Variants in KIAA1217 observed in about 807,000 individuals in gnomAD.
The protein encoded by KIAA1217 is KIAA1217, also known as sickle tail protein homolog.
Under a neutral mutation model 163.9 loss-of-function variants are expected in KIAA1217, and 88 were observed. The ratio of observed to expected loss-of-function variants is 0.54; its 90% confidence interval spans 0.45 to 0.64. The LOEUF (loss-of-function observed/expected upper bound fraction) is 0.64, where lower values mean the gene tolerates loss of function less well. Among genes scored for constraint, KIAA1217 ranks in the 30% least tolerant of loss-of-function variants. The pLI is 0.00. For synonymous variants in KIAA1217, 903 were observed against 923.1 expected, an observed-to-expected ratio of 0.98 and a Z score of 0.39; for missense variants, 2,372 against 2,475.0, an observed-to-expected ratio of 0.96 and a Z score of 0.88.
At chr10:24,197,690 T>C (rs2067054925) in intron 2 of KIAA1217, among the ~76,000 whole-genome samples, 1 of 152,256 alleles carries the variant, frequency 6.6e-6, no homozygotes, top group Non-Finnish European at 1.5e-5. Context: ...TCCCTTAGTT[T>C]CAAATCTCAC....
At chr10:24,234,009 CT>C (rs1184718490) in intron 2 of KIAA1217, among the ~76,000 whole-genome samples, 10 of 152,222 alleles carry the variant, frequency 6.6e-5, no homozygotes, top group Middle Eastern at 3.4e-3. Flanking sequence ...TGTCTGTTAA[CT>C]TTTTAAAAAT....
intron 2 of KIAA1217, among the ~76,000 whole-genome samples, chr10:24,366,381 G>A (rs924256465): frequency 4.1e-4 from 63 of 152,056 alleles, no homozygotes; most frequent in African/African-American, 1.4e-3. Flanking sequence ...GGAAGCAGAG[G>A]GTGCGGTGAG....
intron 2 of KIAA1217, among the ~76,000 whole-genome samples, chr10:24,151,816 C>T (rs1487544074): frequency 6.6e-6 from 1 of 152,038 alleles, no homozygotes; most frequent in Non-Finnish European, 1.5e-5. Context: ...TCTCATTTTA[C>T]AGGTTAGAGA....
At chr10:23,934,710 C>T (rs1230288723) in intron 1 of KIAA1217, among the ~76,000 whole-genome samples, 8 of 147,752 alleles carry the variant, frequency 5.4e-5, no homozygotes, top group East Asian at 4.0e-4. Flanking sequence ...CTCTGTCTCC[C>T]GGGTTCACGC....
At position 24,299,107 on chromosome 10, in the gene KIAA1217, G is replaced by A. The variant is rs556481922; in HGVS notation, c.354+79198G>A. On this transcript the variant is annotated intron_variant, in intron 2 of 20. Transcript: ENST00000376454. ...AATTGTAAATACTGTATATAATAACGCTAATGTCATCTGGCTCTTCAAAAT... is the reference window on the plus strand; with the variant it reads ...AATTGTAAATACTGTATATAATAACACTAATGTCATCTGGCTCTTCAAAAT... Among the ~76,000 whole-genome samples the A allele has an allele frequency of 2.8e-4, 42 of 152,240 alleles. No homozygotes were observed. In the South Asian group the frequency reaches 5.8e-3, roughly 21 times the overall value.
chr10:24,532,099 A>G, intron 15 of KIAA1217, 106 bp downstream of exon 15: 2 of 1,053,524 alleles, frequency 1.9e-6, no homozygotes, highest in Non-Finnish European at 2.5e-6. Context: ...GAGAAGTAGT[A>G]ACTCGACCAC....
chr10:24,095,713 T>C (rs2062131809), intron 2 of KIAA1217, among the ~76,000 whole-genome samples: 1 of 152,188 alleles, frequency 6.6e-6, no homozygotes, highest in South Asian at 2.1e-4. Context: ...CAAATTTACC[T>C]CTCACACTGG....
chr10:24,111,307 C>T (rs1430996770), intron 2 of KIAA1217, among the ~76,000 whole-genome samples: 1 of 152,070 alleles, frequency 6.6e-6, no homozygotes, highest in Non-Finnish European at 1.5e-5. Flanking sequence ...AGGTAATTCT[C>T]CCATGGCAAG....
intron 5 of KIAA1217, among the ~76,000 whole-genome samples, chr10:24,451,926 C>A (rs2061403175): frequency 1.3e-5 from 2 of 152,118 alleles, no homozygotes; most frequent in South Asian, 4.1e-4. Context: ...GCATCCCAGA[C>A]CATACTAGGC....
chr10:23,934,593 A>ATATATATATATATG (rs1564545714), intron 1 of KIAA1217, among the ~76,000 whole-genome samples: 1 of 64,936 alleles, frequency 1.5e-5, no homozygotes, highest in East Asian at 2.9e-4. Context: ...ATATATATGT[A>ATATATATATATATG]TATATATATA....
intron 1 of KIAA1217, among the ~76,000 whole-genome samples, chr10:23,926,017 A>T (rs574534394): frequency 6.6e-6 from 1 of 152,278 alleles, no homozygotes; most frequent in East Asian, 1.9e-4. Context: ...CCCACACCCC[A>T]TCACTGTGGT....
intron 2 of KIAA1217, among the ~76,000 whole-genome samples, chr10:24,089,652 T>A (rs1185115514): frequency 1.3e-5 from 2 of 151,868 alleles, no homozygotes; most frequent in African/African-American, 4.9e-5. Flanking sequence ...TCCATTGGTC[T>A]GTATCTCTGT....
intron 2 of KIAA1217, among the ~76,000 whole-genome samples, chr10:24,344,653 G>A (rs1166746944): frequency 2.6e-5 from 4 of 152,188 alleles, no homozygotes; most frequent in Admixed American, 2.6e-4. Context: ...TAACAGGAAT[G>A]TAACTTTTAA....
At chr10:24,450,109 T>C (rs2061273009) in intron 5 of KIAA1217, among the ~76,000 whole-genome samples, 4 of 152,172 alleles carry the variant, frequency 2.6e-5, no homozygotes, top group African/African-American at 7.2e-5. Context: ...TCTGTGACAA[T>C]TTTCAGTGTT....
intron 1 of KIAA1217, among the ~76,000 whole-genome samples, chr10:23,699,151 AG>A (rs1270173351): frequency 6.6e-6 from 1 of 152,192 alleles, no homozygotes; most frequent in East Asian, 1.9e-4. Context: ...CTGCCTGATC[AG>A]GTCCTTCTGA....
chr10:24,299,402 G>A (rs749424378), intron 2 of KIAA1217, among the ~76,000 whole-genome samples: 19 of 152,046 alleles, frequency 1.2e-4, no homozygotes, highest in South Asian at 4.2e-4. Context: ...AAGTGCCTTT[G>A]ATATGTGAGT....
intron 1 of KIAA1217, among the ~76,000 whole-genome samples, chr10:23,789,036 T>C (rs1360514362): frequency 1.3e-5 from 2 of 152,234 alleles, no homozygotes; most frequent in Non-Finnish European, 2.9e-5. Flanking sequence ...GCAAAGCTCT[T>C]TTTGCATCTC....
Position 24,536,759 on chromosome 10 carries a change from AT to A in KIAA1217, c.3415-11del, listed in dbSNP as rs760675358. ...CCCTTGGATCCCTGTTAACCTCAGT[AT>A]TTTAATTCCTTAGGCATTCCAGAAG... On this transcript the variant is annotated splice_polypyrimidine_tract_variant and intron_variant, in intron 16 of 20. Transcript: ENST00000376454. 4.3e-6 allele frequency: 7 copies of A among 1,612,550 alleles called. No homozygotes were observed. The highest frequency in any genetic ancestry group is 5.9e-6 in the Non-Finnish European group (7 of 1,178,982).
chr10:24,515,389 A>T (rs2134345363), intron 10 of KIAA1217, among the ~76,000 whole-genome samples: 1 of 152,238 alleles, frequency 6.6e-6, no homozygotes, highest in Non-Finnish European at 1.5e-5. Flanking sequence ...TCTTTTTAAA[A>T]ATTGTGTTTA....
Sources: gnomAD v4.1 joint callset for allele counts (sites outside exome capture counted in the v4.1 genomes callset) on GRCh38, gnomAD v4.1.1 for gene constraint, MANE v1.5 for transcripts, NCBI Gene and HGNC (gene_info 2026-07-23, HGNC 2026-07-21) for gene names.